Variants in BCLAF1 observed in about 807,000 individuals in gnomAD.
BCLAF1 encodes the protein BCL2 associated transcription factor 1, also known as bcl-2-associated transcription factor 1.
BCLAF1 carries 10 observed loss-of-function variants against 99.5 expected under a neutral mutation model. The observed-to-expected ratio is 0.10, with a 90% CI of 0.06 to 0.17. The LOEUF (loss-of-function observed/expected upper bound fraction) is 0.17, where lower values mean the gene tolerates loss of function less well. BCLAF1 is among the 10% of genes least tolerant of loss of function. The pLI, the probability that BCLAF1 is intolerant of heterozygous loss-of-function variation, is 1.00. For missense variants in BCLAF1, 636 were observed against 1,105.8 expected (o/e 0.58, Z 6.02); for synonymous variants, 255 against 370.9 (o/e 0.69, Z 3.59).
chr6:136,263,440 C>A (rs1781293439), intron 11 of BCLAF1, among the ~76,000 whole-genome samples: 1 of 152,140 alleles, frequency 6.6e-6, no homozygotes, highest in Non-Finnish European at 1.5e-5. Flanking sequence ...GGCATCCTGG[C>A]AGCTACTTAA....
At chr6:136,272,924 T>C (rs1470101779) in intron 7 of BCLAF1, among the ~76,000 whole-genome samples, 158 bp downstream of exon 7, 1 of 151,942 alleles carries the variant, frequency 6.6e-6, no homozygotes, top group Non-Finnish European at 1.5e-5. Context: ...AATCAAGAAT[T>C]ATAGAATTTT....
intron 11 of BCLAF1, among the ~76,000 whole-genome samples, chr6:136,265,354 T>TA (rs1049450700): frequency 2.0e-5 from 3 of 152,210 alleles, no homozygotes; most frequent in African/African-American, 7.2e-5. Context: ...GAACAGAACT[T>TA]AATCTTTTGA....
At chr6:136,267,938 G>T (rs192795044) in intron 10 of BCLAF1, among the ~76,000 whole-genome samples, 3 of 151,838 alleles carry the variant, frequency 2.0e-5, no homozygotes, top group Non-Finnish European at 4.4e-5. Flanking sequence ...TATTGATCTC[G>T]AAGTCAAGAA....
At chr6:136,265,677 T>G (rs1006368445) in intron 11 of BCLAF1, among the ~76,000 whole-genome samples, 1 of 152,174 alleles carries the variant, frequency 6.6e-6, no homozygotes, top group Non-Finnish European at 1.5e-5. Flanking sequence ...TGCAGTACAC[T>G]TGCCTACCTC....
At chr6:136,269,692 T>G in intron 8 of BCLAF1, 80 bp from the exon 9 acceptor site, 1 of 1,086,414 alleles carries the variant, frequency 9.2e-7, no homozygotes, top group Non-Finnish European at 1.2e-6. Flanking sequence ...GAGTTAAATT[T>G]TATGCCAGCT....
intron 12 of BCLAF1, 43 bp downstream of exon 12, chr6:136,261,222 T>C: frequency 6.3e-7 from 1 of 1,598,492 alleles, no homozygotes; most frequent in South Asian, 1.1e-5. Flanking sequence ...ACCAAACCTA[T>C]ATCAAAAAAA....
At chr6:136,276,658 A>G in intron 4 of BCLAF1, 150 bp from the exon 5 acceptor site, 1 of 950,178 alleles carries the variant, frequency 1.1e-6, no homozygotes, top group Non-Finnish European at 1.5e-6. Flanking sequence ...ACTTTTAAAA[A>G]TCATTGAAAG....
intron 6 of BCLAF1, chr6:136,273,998 T>C (rs1782910124): frequency 8.0e-7 from 1 of 1,250,454 alleles, no homozygotes; most frequent in Non-Finnish European, 1.0e-6. Flanking sequence ...TAACCAATCA[T>C]TAAAACTTGA....
intron 11 of BCLAF1, among the ~76,000 whole-genome samples, chr6:136,264,210 C>T (rs1781415110): frequency 6.6e-6 from 1 of 151,978 alleles, no homozygotes; most frequent in African/African-American, 2.4e-5. Context: ...TATTACTAAG[C>T]TTTTTTGTTT....
At chr6:136,272,963 TATAA>T (rs1224250424) in intron 7 of BCLAF1, 115 bp downstream of exon 7, 145 of 612,372 alleles carry the variant, frequency 2.4e-4, no homozygotes, top group Non-Finnish European at 4.0e-4. Context: ...TTATTTAAAG[TATAA>T]ATGAGGAATA....
At position 136,273,148 on chromosome 6, in the gene BCLAF1, C is replaced by T. The variant is rs528092692; in HGVS notation, c.1892G>A (p.Arg631Gln). The change falls in exon 7 of 13, where the codon CGG (arginine) becomes CAG (glutamine). Residue 631 changes from arginine to glutamine, a missense_variant. Transcript: ENST00000531224. ...FKSAAMTLNE[R>Q]FTSYQKATEE... ...AGTGGCTTTCTGATACGAAGTGAACCGCTCGTTTAGGGTCATTGCAGCTGA... is the reference window on the plus strand; with the variant it reads ...AGTGGCTTTCTGATACGAAGTGAACTGCTCGTTTAGGGTCATTGCAGCTGA... 3.7e-6 allele frequency: 6 copies of T among 1,612,120 alleles called. No individual in the cohort carries two copies. Among genetic ancestry groups the T allele is most frequent in the South Asian group, 2.2e-5 (2 of 91,020 alleles).
chr6:136,285,296 G>T (rs569506426), intron 1 of BCLAF1, among the ~76,000 whole-genome samples: 16 of 152,278 alleles, frequency 1.1e-4, no homozygotes, highest in African/African-American at 3.4e-4. Flanking sequence ...GATTGTTAGG[G>T]GTGTGAAGTA....
At position 136,260,910 on chromosome 6, in the gene BCLAF1, T is replaced by A; in HGVS notation, c.*200A>T. On this transcript the variant is annotated 3_prime_UTR_variant, in exon 13 of 13. Coordinates refer to ENST00000531224, the MANE Select transcript of BCLAF1 (RefSeq NM_014739.3). ...TTACAAATATGGTACGTAACAATTT[T>A]CTACTTTATTTCAGTACAATTTTCA... The A allele has an allele frequency of 1.8e-6, 1 of 547,376 alleles. No individual in the cohort carries two copies. Among genetic ancestry groups the A allele is most frequent in the East Asian group, 3.2e-5 (1 of 31,036 alleles). 33.9% of individuals were successfully genotyped at this position (547,376 alleles called of 1,614,324 possible). A position where few individuals can be genotyped will look rare whatever the true frequency, so the allele number is the denominator to read the frequency against.
intron 2 of BCLAF1, among the ~76,000 whole-genome samples, chr6:136,282,174 A>G (rs942313779): frequency 2.0e-5 from 3 of 152,234 alleles, no homozygotes; most frequent in Non-Finnish European, 4.4e-5. Context: ...CTTGTAGTGG[A>G]CTTAATGAGT....
chr6:136,280,945 A>C (rs1784313379), intron 2 of BCLAF1, among the ~76,000 whole-genome samples: 1 of 152,200 alleles, frequency 6.6e-6, no homozygotes, highest in African/African-American at 2.4e-5. Context: ...TTCCCATAAT[A>C]CTTAAATAGT....
chr6:136,279,199 T>C (rs1335481672), intron 3 of BCLAF1, among the ~76,000 whole-genome samples: 1 of 152,116 alleles, frequency 6.6e-6, no homozygotes, highest in Non-Finnish European at 1.5e-5. Context: ...ATTAAATACA[T>C]ACATAATATA....
At chr6:136,280,644 A>C (rs1784264005) in intron 2 of BCLAF1, among the ~76,000 whole-genome samples, 2 of 152,220 alleles carry the variant, frequency 1.3e-5, no homozygotes, top group African/African-American at 4.8e-5. Flanking sequence ...TAACTTTTCT[A>C]AACACTACAT....
At chr6:136,284,973 C>G (rs74677397) in intron 1 of BCLAF1, among the ~76,000 whole-genome samples, 4,426 of 151,986 alleles carry the variant, frequency 0.029, 152 homozygotes, top group African/African-American at 0.082. Context: ...AGAGGGAAGA[C>G]CATACTAGGC....
chr6:136,273,209 T>G (rs1256874933), intron 6 of BCLAF1, 22 bp from the exon 7 acceptor site: 1 of 1,592,242 alleles, frequency 6.3e-7, no homozygotes, highest in Admixed American at 1.7e-5. Context: ...GAAGAAATAC[T>G]GTCCGATTAG....
Sources: allele counts gnomAD v4.1 joint callset (sites outside exome capture counted in the v4.1 genomes callset), GRCh38; gene constraint gnomAD v4.1.1; transcripts MANE v1.5; gene names NCBI Gene and HGNC (gene_info 2026-07-23, HGNC 2026-07-21).